Variants in GPC5 observed in about 807,000 individuals in gnomAD.
The protein encoded by GPC5 is glypican 5.
Under a neutral mutation model 53.9 loss-of-function variants are expected in GPC5, and 47 were observed. The ratio of observed to expected loss-of-function variants is 0.87; its 90% CI spans 0.69 to 1.11. The LOEUF (loss-of-function observed/expected upper bound fraction) is 1.11, where lower values mean the gene tolerates loss of function less well. Among genes scored for constraint, GPC5 ranks in the 50% most tolerant of loss-of-function variants. The pLI is 0.00. For synonymous variants in GPC5, 286 were observed against 263.3 expected (o/e 1.09, Z -0.84); for missense variants, 748 against 713.1 (o/e 1.05, Z -0.56).
rs561524878 is a variant in GPC5, at chr13:92,715,153, C to T, written c.1562-151129C>T. On this transcript the variant is annotated intron_variant, in intron 7 of 7. Transcript: ENST00000377067. ...GATTTTGTACGTATACATGTTGCAA[C>T]GAAAAATATAATTAAACATTATTTT... is the stretch of plus-strand genomic sequence containing the variant. Among the ~76,000 whole-genome samples the T allele has an allele frequency of 2.6e-4, 39 of 152,122 alleles. No homozygotes were observed. In the South Asian group the frequency reaches 3.1e-3, roughly 12 times the overall value.
chr13:92,082,320 A>G (rs544791491), intron 6 of GPC5, among the ~76,000 whole-genome samples: 3 of 152,140 alleles, frequency 2.0e-5, no homozygotes, highest in Non-Finnish European at 4.4e-5. Flanking sequence ...CACAACCCCA[A>G]AACTTAATTT....
intron 5 of GPC5, among the ~76,000 whole-genome samples, chr13:91,901,415 C>T (rs1001389427): frequency 1.3e-5 from 2 of 152,006 alleles, no homozygotes; most frequent in Admixed American, 1.3e-4. Flanking sequence ...TCCTATCTTC[C>T]ATGAAAGGTA....
chr13:92,018,476 A>G (rs2040728130), intron 6 of GPC5, among the ~76,000 whole-genome samples: 1 of 152,148 alleles, frequency 6.6e-6, no homozygotes, highest in Non-Finnish European at 1.5e-5. Flanking sequence ...CCTGTTTTTT[A>G]TTCAATATTT....
intron 2 of GPC5, among the ~76,000 whole-genome samples, chr13:91,511,831 A>G (rs535382512): frequency 2.0e-5 from 3 of 152,136 alleles, no homozygotes; most frequent in Middle Eastern, 6.8e-3. Flanking sequence ...TCTTGGGCGT[A>G]TATGAACCTT....
chr13:91,819,753 A>G (rs1800372568), intron 5 of GPC5, among the ~76,000 whole-genome samples: 1 of 152,160 alleles, frequency 6.6e-6, no homozygotes, highest in South Asian at 2.1e-4. Context: ...TTTCTCTGCA[A>G]TGCATACTGA....
At chr13:92,070,010 A>G (rs528680287) in intron 6 of GPC5, among the ~76,000 whole-genome samples, 4 of 152,174 alleles carry the variant, frequency 2.6e-5, no homozygotes, top group African/African-American at 9.7e-5. Flanking sequence ...TATGAGCCCA[A>G]TCTAATCACT....
At chr13:92,696,825 T>C (rs1887571277) in intron 7 of GPC5, among the ~76,000 whole-genome samples, 1 of 152,196 alleles carries the variant, frequency 6.6e-6, no homozygotes, top group African/African-American at 2.4e-5. Context: ...GTTTTTATGG[T>C]TTTAGGTCTT....
At chr13:92,119,390 GTTT>G (rs386380215) in intron 6 of GPC5, among the ~76,000 whole-genome samples, 2 of 65,672 alleles carry the variant, frequency 3.0e-5, no homozygotes, top group African/African-American at 6.5e-5. Context: ...TAGGATTTTA[GTTT>G]TTTTTTTTTT....
intron 7 of GPC5, among the ~76,000 whole-genome samples, chr13:92,406,447 G>A (rs1036110268): frequency 2.4e-4 from 36 of 151,878 alleles, no homozygotes; most frequent in African/African-American, 8.2e-4. Context: ...CAAAATATAC[G>A]TGGAGCTATA....
chr13:91,424,428 G>A (rs564505506), intron 1 of GPC5, among the ~76,000 whole-genome samples: 9 of 147,548 alleles, frequency 6.1e-5, no homozygotes, highest in East Asian at 2.0e-4. Context: ...GCAATGGCGC[G>A]ATCTCGGCTC....
In GPC5 at chr13:92,407,265, TATC is replaced by T. The variant is rs564312380; in HGVS notation, c.1561+262279_1561+262281del. Among the ~76,000 whole-genome samples, 45 of 152,310 alleles carry T rather than the reference TATC, an allele frequency of 3.0e-4. 1 individual carries two copies. The highest frequency in any genetic ancestry group is 8.4e-4 in the African/African-American group (35 of 41,576). On this transcript the variant is annotated intron_variant, in intron 7 of 7. Transcript: ENST00000377067. Reference sequence around the variant, plus strand: ...AAATTATGTGTGAAAGAGGAAGAATTATCATAAGACTGCTTTTAATGACTTCTT... The same window carrying T: ...AAATTATGTGTGAAAGAGGAAGAATTATAAGACTGCTTTTAATGACTTCTT...
At chr13:92,067,153 G>T (rs982130753) in intron 6 of GPC5, among the ~76,000 whole-genome samples, 1 of 152,010 alleles carries the variant, frequency 6.6e-6, no homozygotes, top group Non-Finnish European at 1.5e-5. Context: ...AGTTTATGTA[G>T]CTGGTTAAAA....
intron 7 of GPC5, among the ~76,000 whole-genome samples, chr13:92,357,791 A>G (rs1280937184): frequency 6.6e-6 from 1 of 151,480 alleles, no homozygotes; most frequent in Non-Finnish European, 1.5e-5. Context: ...AAGAACAGCA[A>G]GAGGAAAATG....
In GPC5 at chr13:92,063,834, T is replaced by G. The variant is rs76432646; in HGVS notation, c.1402-80996T>G. 2.1e-3 allele frequency among the ~76,000 whole-genome samples: 322 copies of G among 152,284 alleles called. 2 individuals are homozygous for G. The highest frequency in any genetic ancestry group is 7.3e-3 in the African/African-American group (304 of 41,556). ...ATGTAAAGGCATTATTAATGAAAAA[T>G]GATGCTCTTAGGAATTCCATGTATT... On this transcript the variant is annotated intron_variant, in intron 6 of 7. Coordinates refer to ENST00000377067, the MANE Select transcript of GPC5 (RefSeq NM_004466.6).
At chr13:91,827,926 G>A (rs1009006748) in intron 5 of GPC5, among the ~76,000 whole-genome samples, 8 of 151,870 alleles carry the variant, frequency 5.3e-5, no homozygotes, top group African/African-American at 1.9e-4. Context: ...ACCCAACATT[G>A]TAAAATGGAA....
intron 6 of GPC5, among the ~76,000 whole-genome samples, chr13:91,961,991 A>G (rs1446614091): frequency 6.6e-6 from 1 of 152,202 alleles, no homozygotes; most frequent in Non-Finnish European, 1.5e-5. Context: ...ACATTTTTAT[A>G]TCAAAGACAA....
intron 6 of GPC5, among the ~76,000 whole-genome samples, chr13:92,100,127 A>C (rs1451384240): frequency 6.6e-6 from 1 of 152,174 alleles, no homozygotes; most frequent in Non-Finnish European, 1.5e-5. Context: ...AAAAGTATCC[A>C]GGTGCAGTGG....
chr13:92,814,353 C>G (rs1427840224), intron 7 of GPC5, among the ~76,000 whole-genome samples: 1 of 151,578 alleles, frequency 6.6e-6, no homozygotes, highest in Non-Finnish European at 1.5e-5. Flanking sequence ...CCAAAACAGA[C>G]AAAAAAATTA....
At chr13:91,611,690 C>T (rs998917319) in intron 2 of GPC5, among the ~76,000 whole-genome samples, 1 of 152,200 alleles carries the variant, frequency 6.6e-6, no homozygotes, top group African/African-American at 2.4e-5. Flanking sequence ...ACCAGTTCTG[C>T]TAATTCCCCA....
Sources: gnomAD v4.1 joint callset for allele counts (sites outside exome capture counted in the v4.1 genomes callset) on GRCh38, gnomAD v4.1.1 for gene constraint, MANE v1.5 for transcripts, NCBI Gene and HGNC (gene_info 2026-07-23, HGNC 2026-07-21) for gene names.